Variants in CES1 observed in about 807,000 individuals in gnomAD.
The protein encoded by CES1 is carboxylesterase 1.
In CES1, 50 loss-of-function variants were observed where a neutral mutation model predicts 53.0. The ratio of observed to expected loss-of-function variants is 0.94; its 90% confidence interval spans 0.75 to 1.19. CES1 has a LOEUF of 1.19. CES1 is among the 50% of genes most tolerant of loss of function. The pLI is 0.00. For synonymous variants in CES1, 202 were observed against 210.1 expected, an observed-to-expected ratio of 0.96 and a Z score of 0.33; for missense variants, 534 against 538.0, an observed-to-expected ratio of 0.99 and a Z score of 0.07.
intron 4 of CES1, among the ~76,000 whole-genome samples, chr16:55,822,561 G>C (rs1432979562): frequency 6.6e-6 from 1 of 152,118 alleles, no homozygotes; most frequent in East Asian, 1.9e-4. Flanking sequence ...ACTTGTCCCT[G>C]GGAAGAGTGG....
intron 1 of CES1, among the ~76,000 whole-genome samples, chr16:55,830,741 GGAAGGAAGGAAGGAAA>G (rs1437043578): frequency 2.2e-5 from 3 of 136,470 alleles, no homozygotes; most frequent in Non-Finnish European, 3.1e-5. Context: ...ATGGAAGGAT[GGAAGGAAGGAAGGAAA>G]GAAGGAAGGA....
intron 1 of CES1, among the ~76,000 whole-genome samples, chr16:55,832,122 C>G (rs1164058921): frequency 2.0e-5 from 3 of 152,264 alleles, no homozygotes; most frequent in Admixed American, 1.3e-4. Context: ...CAATTAGGAA[C>G]AGCCCCTGTG....
In CES1 at chr16:55,812,941, C is replaced by G. The variant is rs757978769; in HGVS notation, c.1048G>C (p.Gly350Arg). The change falls in exon 9 of 14, where the codon GGA (glycine) becomes CGA (arginine). Residue 350 changes from glycine to arginine, a missense_variant. By Grantham distance (125) the Gly-to-Arg change is moderately radical (BLOSUM62 -2). Coordinates refer to ENST00000360526, the MANE Select transcript of CES1 (RefSeq NM_001025195.2). ...RNFHTVPYMV[G>R]INKQEFGWLI... ...CAGCCAAACTCCTGCTTGTTAATTC[C>G]GACCATGTAGGGGACAGTGTGGAAA... 13 of 1,613,982 alleles carry G rather than the reference C, an allele frequency of 8.1e-6. No individual in the cohort carries two copies. In the African/African-American group the frequency reaches 1.6e-4, roughly 20 times the overall value.
chr16:55,814,000 T>C (rs1395568620), intron 8 of CES1, among the ~76,000 whole-genome samples: 2 of 152,164 alleles, frequency 1.3e-5, no homozygotes, highest in East Asian at 3.8e-4. Flanking sequence ...CAGTATTGAT[T>C]TGGGGGTTAT....
chr16:55,813,661 C>T (rs2031803379), intron 8 of CES1, among the ~76,000 whole-genome samples: 1 of 152,142 alleles, frequency 6.6e-6, no homozygotes, highest in Non-Finnish European at 1.5e-5. Flanking sequence ...ACACCAAATG[C>T]ACGGCCAGCA....
chr16:55,828,489 TC>T (rs1304310875), intron 2 of CES1, among the ~76,000 whole-genome samples: 3 of 152,110 alleles, frequency 2.0e-5, no homozygotes. Flanking sequence ...CTTATCTGTC[TC>T]CCCCTGCTAG....
rs1250004954 is a variant in CES1 at position 55,828,919 on chromosome 16, C to G, written c.108G>C (p.Gly36=). 6.2e-7 allele frequency: 1 copy of G among 1,614,014 alleles called. No individual in the cohort carries two copies. The highest frequency in any genetic ancestry group is 2.2e-5 in the East Asian group (1 of 44,886). The part of the protein sequence containing the change: ...VVDTVHGKVL[G]KFVSLEGFAQ... ...CAAATCCTTCTAAGCTGACGAACTT[C>G]CCCAGCACTTTGCCATGCACGGTGT... The change falls in exon 2 of 14, where the codon GGG becomes GGC. Residue 36 remains glycine, a synonymous_variant. Coordinates refer to ENST00000360526, the MANE Select transcript of CES1 (RefSeq NM_001025195.2).
chr16:55,810,752 C>T, intron 10 of CES1, 88 bp from the exon 11 acceptor site: 1 of 1,532,178 alleles, frequency 6.5e-7, no homozygotes. Flanking sequence ...AATGGTGAAC[C>T]CCATAAGCCC....
At chr16:55,815,478 C>T (rs534109841) in intron 8 of CES1, among the ~76,000 whole-genome samples, 5 of 152,338 alleles carry the variant, frequency 3.3e-5, no homozygotes, top group Admixed American at 3.3e-4. Flanking sequence ...GGAAGACTGC[C>T]ATCAGCAACA....
chr16:55,822,213 G>T (rs1429717839), intron 4 of CES1, among the ~76,000 whole-genome samples: 1 of 152,364 alleles, frequency 6.6e-6, no homozygotes, highest in East Asian at 1.9e-4. Context: ...CAGAGGCATC[G>T]CATGATTCAA....
intron 11 of CES1, among the ~76,000 whole-genome samples, chr16:55,809,580 G>A (rs2031596313): frequency 6.6e-6 from 1 of 152,154 alleles, no homozygotes; most frequent in Admixed American, 6.5e-5. Flanking sequence ...ACACAGCCTT[G>A]GGTCAGTGGT....
intron 11 of CES1, among the ~76,000 whole-genome samples, chr16:55,808,385 C>G (rs1456429412): frequency 6.6e-6 from 1 of 152,164 alleles, no homozygotes; most frequent in Non-Finnish European, 1.5e-5. Context: ...ATAAGAGAAG[C>G]AGAGACAATG....
At chr16:55,816,254 C>CT (rs1306601717) in intron 8 of CES1, among the ~76,000 whole-genome samples, 44 of 152,348 alleles carry the variant, frequency 2.9e-4, no homozygotes, top group Admixed American at 2.5e-3. Context: ...GGGAGTCTTT[C>CT]TTTTTTCACT....
At chr16:55,809,093 C>CAAAAGAAAAA (rs2031564533) in intron 11 of CES1, among the ~76,000 whole-genome samples, 1 of 72,068 alleles carries the variant, frequency 1.4e-5, no homozygotes, top group Non-Finnish European at 2.6e-5. Flanking sequence ...GTAGTCCTGG[C>CAAAAGAAAAA]AAAAAAAAAA....
At chr16:55,815,569 G>C (rs1221823722) in intron 8 of CES1, among the ~76,000 whole-genome samples, 1 of 152,158 alleles carries the variant, frequency 6.6e-6, no homozygotes, top group African/African-American at 2.4e-5. Context: ...AGAAAACTCA[G>C]GGCGTCCTCC....
At chr16:55,825,584 AAC>A (rs1421785179) in intron 3 of CES1, among the ~76,000 whole-genome samples, 5 of 152,254 alleles carry the variant, frequency 3.3e-5, no homozygotes, top group Non-Finnish European at 5.9e-5. Flanking sequence ...CTCCGCCCCC[AAC>A]ATCCGTACCT....
At chr16:55,809,470 C>T (rs2031590503) in intron 11 of CES1, among the ~76,000 whole-genome samples, 1 of 152,202 alleles carries the variant, frequency 6.6e-6, no homozygotes, top group Non-Finnish European at 1.5e-5. Context: ...CGAATGAGAG[C>T]TGGAAGAAAA....
chr16:55,817,966 C>A (rs1213958877), intron 7 of CES1, among the ~76,000 whole-genome samples: 1 of 152,176 alleles, frequency 6.6e-6, no homozygotes, highest in Non-Finnish European at 1.5e-5. Flanking sequence ...TGCCTCCTTC[C>A]GGGCGTTAGA....
intron 3 of CES1, among the ~76,000 whole-genome samples, 185 bp downstream of exon 3, chr16:55,825,966 C>T (rs148478312): frequency 4.3e-4 from 65 of 152,316 alleles, no homozygotes; most frequent in African/African-American, 1.6e-3. Flanking sequence ...CCCCAGAGTG[C>T]CTATGTCACG....
Sources: gnomAD v4.1 joint callset for allele counts (sites outside exome capture counted in the v4.1 genomes callset) on GRCh38, gnomAD v4.1.1 for gene constraint, MANE v1.5 for transcripts, NCBI Gene and HGNC (gene_info 2026-07-23, HGNC 2026-07-21) for gene names.